Variants in BBS7 observed in about 807,000 individuals in gnomAD.
BBS7 encodes the protein Bardet-Biedl syndrome 7.
Under a neutral mutation model 90.3 loss-of-function variants are expected in BBS7, and 50 were observed. The ratio of observed to expected loss-of-function variants is 0.55; its 90% CI spans 0.44 to 0.70. The LOEUF (loss-of-function observed/expected upper bound fraction) is 0.70. Ranked by LOEUF, BBS7 falls within the 30% of genes least tolerant of loss-of-function variation. The pLI, the probability that BBS7 is intolerant of heterozygous loss-of-function variation, is 0.00. For synonymous variants in BBS7, 235 were observed against 287.4 expected (o/e 0.82, Z 1.85); for missense variants, 729 against 838.9 (o/e 0.87, Z 1.62).
In BBS7 at chr4:121,859,014, T is replaced by C. The variant is rs766590920; in HGVS notation, c.506A>G (p.Asp169Gly). ...AACCTGTAAAACTCTGAGCACTCTG[T>C]CCTGGCAGGCCAATACAGGTGTGAT... Reference protein sequence around the residue: ...SRITPVLACQDRVLRVLQGSD... With the variant: ...SRITPVLACQGRVLRVLQGSD... The change falls in exon 5 of 19, where the codon GAC (aspartate) becomes GGC (glycine). Residue 169 changes from aspartate to glycine, a missense_variant. Coordinates refer to ENST00000264499, the MANE Select transcript of BBS7 (RefSeq NM_176824.3). The C allele has an allele frequency of 5.6e-6, 9 of 1,613,756 alleles. No homozygotes were observed. In the African/African-American group the frequency reaches 1.1e-4, roughly 19 times the overall value.
At chr4:121,867,414 T>C (rs1454391182) in intron 2 of BBS7, among the ~76,000 whole-genome samples, 1 of 152,178 alleles carries the variant, frequency 6.6e-6, no homozygotes, top group Non-Finnish European at 1.5e-5. Context: ...TTTATTTCTT[T>C]TTCTTGTATA....
rs1578527678 is a variant in BBS7, at chr4:121,832,418, A to G, written c.1676+813T>C. Among the ~76,000 whole-genome samples, 4 of 152,342 alleles carry G rather than the reference A, an allele frequency of 2.6e-5. No individual in the cohort carries two copies. The South Asian group carries it at 8.3e-4, about 32-fold the overall frequency. ...AATGAGAATGCAAAGACTTTGAAGA[A>G]GCAGGAGGATCCAAGCTTAATGGGT... On this transcript the variant is annotated intron_variant, in intron 15 of 18. Coordinates refer to ENST00000264499, the MANE Select transcript of BBS7 (RefSeq NM_176824.3).
At chr4:121,854,929 A>T (rs1223857490) in intron 6 of BBS7, 109 bp from the exon 7 acceptor site, 5 of 1,068,786 alleles carry the variant, frequency 4.7e-6, no homozygotes, top group African/African-American at 1.6e-5. Context: ...CTATAAAAAG[A>T]TATAAAACTT....
chr4:121,861,843 T>C (rs1248501845), intron 3 of BBS7, among the ~76,000 whole-genome samples, 164 bp from the exon 4 acceptor site: 1 of 152,152 alleles, frequency 6.6e-6, no homozygotes, highest in Non-Finnish European at 1.5e-5. Context: ...GGTCTTCAGG[T>C]TTTTTGCTAT....
chr4:121,865,066 C>A (rs1727182698), intron 2 of BBS7, among the ~76,000 whole-genome samples: 1 of 152,078 alleles, frequency 6.6e-6, no homozygotes, highest in South Asian at 2.1e-4. Context: ...CCCTTTGCAG[C>A]CTCTAGTATT....
chr4:121,859,147 C>T lies in BBS7; in HGVS notation c.373G>A (p.Ala125Thr). 1.2e-6 allele frequency: 2 copies of T among 1,613,802 alleles called. No individual in the cohort carries two copies. Among genetic ancestry groups the T allele is most frequent in the East Asian group, 2.2e-5 (1 of 44,838 alleles). Reference protein sequence around the residue: ...HISGSDLFLSASYIYNHYCDC... With the variant: ...HISGSDLFLSTSYIYNHYCDC... ...CAATAATGGTTATAGATGTAACTTG[C>T]ACTGAGAAAGAGGTCTGAGCCAGAT... Residue 125 changes from alanine to threonine, a missense_variant, in exon 5 of 19, where the codon GCA becomes ACA. Transcript: ENST00000264499.
chr4:121,826,098 T>C, intron 18 of BBS7, 105 bp from the exon 19 acceptor site: 1 of 945,290 alleles, frequency 1.1e-6, no homozygotes, highest in Non-Finnish European at 1.6e-6. Flanking sequence ...GCACCTGTAA[T>C]TCCATGATTT....
intron 8 of BBS7, among the ~76,000 whole-genome samples, chr4:121,852,511 C>T (rs1391319610): frequency 6.6e-6 from 1 of 151,794 alleles, no homozygotes; most frequent in Non-Finnish European, 1.5e-5. Context: ...ATACAGGCAG[C>T]CCTTGAGTGG....
intron 13 of BBS7, among the ~76,000 whole-genome samples, chr4:121,837,438 T>TA (rs1725514508): frequency 6.6e-6 from 1 of 152,228 alleles, no homozygotes; most frequent in Non-Finnish European, 1.5e-5. Context: ...ATTTATTTTT[T>TA]ATATATGGCT....
chr4:121,870,323 G>T lies in BBS7; in HGVS notation c.-10C>A. The stretch of plus-strand genomic sequence containing the variant: ...TTAAAATCAGATCCATGATGACTAC[G>T]CGGAGGGGCTAAGCAGCGCCGGACA... On this transcript the variant is annotated 5_prime_UTR_variant, in exon 1 of 19. Coordinates refer to ENST00000264499, the MANE Select transcript of BBS7 (RefSeq NM_176824.3). 2 of 1,614,126 alleles carry T rather than the reference G, an allele frequency of 1.2e-6. No homozygotes were observed. The highest frequency in any genetic ancestry group is 1.7e-6 in the Non-Finnish European group (2 of 1,179,986).
chr4:121,826,097 A>C, intron 18 of BBS7, 104 bp from the exon 19 acceptor site: 1 of 950,776 alleles, frequency 1.1e-6, no homozygotes, highest in South Asian at 1.6e-5. Context: ...AGCACCTGTA[A>C]TTCCATGATT....
intron 8 of BBS7, among the ~76,000 whole-genome samples, chr4:121,850,173 G>GT (rs749823423): frequency 0.013 from 1,872 of 143,554 alleles, 10 homozygotes; most frequent in Non-Finnish European, 0.017. Flanking sequence ...GTTTTTGTTT[G>GT]GTTTTTTTTT....
Position 121,824,996 on chromosome 4 carries a change from C to T in BBS7, c.*864G>A, listed in dbSNP as rs1288036100. ...GATTAATGCACAAAACTTCTGTAGC[C>T]TTAATGTCATATATGATAAAAAGAG... On this transcript the variant is annotated 3_prime_UTR_variant, in exon 19 of 19. Coordinates refer to ENST00000264499, the MANE Select transcript of BBS7 (RefSeq NM_176824.3). The surrounding 1 kb of genome is among the most constrained non-coding windows in gnomAD (Gnocchi z 4.1). 2.0e-5 allele frequency: 3 copies of T among 151,930 alleles called. No individual in the cohort carries two copies. The highest frequency in any genetic ancestry group is 4.4e-5 in the Non-Finnish European group (3 of 67,996). The allele number at this position is 151,930 out of a possible 1,614,324, so 9.4% of individuals were successfully genotyped here. A position where few individuals can be genotyped will look rare whatever the true frequency, so the allele number is the denominator to read the frequency against.
At chr4:121,867,871 AT>A in intron 2 of BBS7, 109 bp downstream of exon 2, 5 of 984,108 alleles carry the variant, frequency 5.1e-6, no homozygotes, top group Non-Finnish European at 7.9e-6. Context: ...ATTCATTTCC[AT>A]TTTAACATTA....
intron 2 of BBS7, among the ~76,000 whole-genome samples, chr4:121,864,665 A>G (rs1727161230): frequency 6.6e-6 from 1 of 152,344 alleles, no homozygotes; most frequent in South Asian, 2.1e-4. Context: ...AATTGTGTAA[A>G]GGGGTGCTGA....
At chr4:121,830,730 C>T (rs181391174) in intron 15 of BBS7, among the ~76,000 whole-genome samples, 4 of 152,280 alleles carry the variant, frequency 2.6e-5, no homozygotes, top group African/African-American at 9.6e-5. Flanking sequence ...ACATCTGCCT[C>T]CAAAGCACAT....
At chr4:121,835,771 A>T (rs1725421850) in intron 13 of BBS7, among the ~76,000 whole-genome samples, 1 of 152,186 alleles carries the variant, frequency 6.6e-6, no homozygotes, top group Non-Finnish European at 1.5e-5. Flanking sequence ...TAAGAAAAAA[A>T]GCTTTAATAT....
chr4:121,838,714 C>T (rs2149060842), intron 13 of BBS7, among the ~76,000 whole-genome samples: 1 of 151,160 alleles, frequency 6.6e-6, no homozygotes, highest in East Asian at 2.0e-4. Context: ...CGTGGCAAAA[C>T]CCCGTCCCTA....
intron 4 of BBS7, 152 bp downstream of exon 4, chr4:121,861,352 T>C: frequency 2.8e-6 from 2 of 710,478 alleles, no homozygotes; most frequent in Non-Finnish European, 4.5e-6. Flanking sequence ...TAATATTGAT[T>C]GTAGGTCAAA....
Sources: allele counts gnomAD v4.1 joint callset (sites outside exome capture counted in the v4.1 genomes callset), GRCh38; gene constraint gnomAD v4.1.1; non-coding constraint Gnocchi (gnomAD v3.1); transcripts MANE v1.5; gene names NCBI Gene and HGNC (gene_info 2026-07-23, HGNC 2026-07-21).